The following PSMD12 variants were observed in gnomAD, a reference collection of about 807,000 sequenced individuals.
The protein encoded by PSMD12 is proteasome 26S subunit, non-ATPase 12, also known as 26S proteasome non-ATPase regulatory subunit 12.
PSMD12 carries 8 observed loss-of-function variants against 62.9 expected under a neutral mutation model. The ratio of observed to expected loss-of-function variants is 0.13; its 90% CI spans 0.07 to 0.23. The LOEUF (loss-of-function observed/expected upper bound fraction) is 0.23, where lower values mean the gene tolerates loss of function less well. Ranked by LOEUF, PSMD12 falls within the 10% of genes least tolerant of loss-of-function variation. The pLI is 1.00. For missense variants in PSMD12, 424 were observed against 550.2 expected, an observed-to-expected ratio of 0.77 and a Z score of 2.29; for synonymous variants, 173 against 187.4, an observed-to-expected ratio of 0.92 and a Z score of 0.63.
In PSMD12 at chr17:67,366,569, G is replaced by A. The variant is rs1360305683; in HGVS notation, c.-50C>T. On this transcript the variant is annotated 5_prime_UTR_variant, in exon 1 of 11. The change creates a new upstream start codon in the 5' untranslated region. Coordinates refer to ENST00000356126, the MANE Select transcript of PSMD12 (RefSeq NM_002816.5). ...TGTCCCCCTGCTTCGGCCACCACTC[G>A]TCACCCACACCGGAAGTTGCCCGCG... 6.6e-7 allele frequency: 1 copy of A among 1,524,132 alleles called. No homozygotes were observed. Among genetic ancestry groups the A allele is most frequent in the Admixed American group, 1.8e-5 (1 of 54,390 alleles). The allele number at this position is 1,524,132 out of a possible 1,614,324, so 94.4% of individuals were successfully genotyped here. A position where few individuals can be genotyped will look rare whatever the true frequency, so the allele number is the denominator to read the frequency against.
At chr17:67,354,901 A>T (rs1430439402) in intron 3 of PSMD12, among the ~76,000 whole-genome samples, 1 of 151,936 alleles carries the variant, frequency 6.6e-6, no homozygotes, top group Non-Finnish European at 1.5e-5. Flanking sequence ...CAGGCAGAAG[A>T]AGTGCATAAA....
intron 8 of PSMD12, 91 bp from the exon 9 acceptor site, chr17:67,344,871 T>G (rs756494007): frequency 3.6e-6 from 4 of 1,101,840 alleles, no homozygotes; most frequent in Non-Finnish European, 5.0e-6. Flanking sequence ...CAGCAAAGAC[T>G]GTTTTCGTTA....
chr17:67,341,017 G>A lies in PSMD12; in HGVS notation c.1197C>T (p.Asn399=), dbSNP rs769384127. The A allele has an allele frequency of 3.2e-6, 5 of 1,554,052 alleles. No homozygotes were observed. In the Admixed American group the frequency reaches 9.1e-5, roughly 28 times the overall value. Residue 399 remains asparagine, a synonymous_variant, in exon 11 of 11, where the codon AAC becomes AAT. Transcript: ENST00000356126. Reference sequence around the variant, plus strand: ...TGTCTACTTTAGCAAAGATGGTCTTGTTAACTACTAGATTTGAGAGAAAGG... The same window carrying A: ...TGTCTACTTTAGCAAAGATGGTCTTATTAACTACTAGATTTGAGAGAAAGG... ...SEAFLSNLVV[N]KTIFAKVDRL...
chr17:67,345,837 G>A lies in PSMD12; in HGVS notation c.816C>T (p.Leu272=). The change falls in exon 8 of 11, where the codon CTC becomes CTT. Residue 272 remains leucine (L), a synonymous_variant. Transcript: ENST00000356126. ...TGTCAAAAGGAGCCAGGATAACATA[G>A]AGTACAACACTCTTCAGAGCCTAAA... The part of the protein sequence containing the change: ...KWQQALKSVV[L]YVILAPFDNE... 6.2e-7 allele frequency: 1 copy of A among 1,613,152 alleles called. No individual in the cohort carries two copies. Among genetic ancestry groups the A allele is most frequent in the East Asian group, 2.2e-5 (1 of 44,864 alleles).
rs1419001963 is a variant in PSMD12 at position 67,353,103 on chromosome 17, C to T, written c.298-2767G>A. On this transcript the variant is annotated intron_variant, in intron 3 of 10. Transcript: ENST00000356126. ...AAAGGGGGACTACTGTACATTAATA[C>T]GCTAACAATGCAATGGGGAAGCTAT... 3.3e-5 allele frequency among the ~76,000 whole-genome samples: 5 copies of T among 152,054 alleles called. No individual in the cohort carries two copies. The East Asian group carries it at 7.7e-4, about 23-fold the overall frequency.
chr17:67,356,557 CAAAAAAAAAAAAA>C (rs35353017), intron 3 of PSMD12, among the ~76,000 whole-genome samples: 17 of 14,994 alleles, frequency 1.1e-3, no homozygotes, highest in East Asian at 6.6e-3. Flanking sequence ...GACTCCGTCT[CAAAAAAAAAAAAA>C]AAAAAAAAAA....
At chr17:67,350,146 C>T in intron 4 of PSMD12, 83 bp downstream of exon 4, 3 of 797,796 alleles carry the variant, frequency 3.8e-6, no homozygotes, top group Non-Finnish European at 1.9e-6. Context: ...TAAAAATATA[C>T]AAAATATCTA....
chr17:67,349,656 C>T (rs2042000009), intron 4 of PSMD12, among the ~76,000 whole-genome samples: 1 of 152,120 alleles, frequency 6.6e-6, no homozygotes, highest in African/African-American at 2.4e-5. Flanking sequence ...TACAAGACTA[C>T]CTTCTTTAAA....
At chr17:67,349,168 C>T (rs551866820) in intron 4 of PSMD12, among the ~76,000 whole-genome samples, 3 of 152,152 alleles carry the variant, frequency 2.0e-5, no homozygotes, top group African/African-American at 7.2e-5. Flanking sequence ...TACAGGCATG[C>T]GCCACCACGC....
In PSMD12 at chr17:67,347,239, CAACTTT is replaced by C. The variant is rs1430311866; in HGVS notation, c.666_671del (p.Leu224_Lys225del). On this transcript the variant is annotated inframe_deletion, in exon 7 of 11. Transcript: ENST00000356126. ...GCTGAATCATTAAATTATAGTACTT[CAACTTT>C]AATTTCTGCAAAAAAGTTGACAAAA... is the stretch of plus-strand genomic sequence containing the variant. 3 of 1,613,086 alleles carry C rather than the reference CAACTTT, an allele frequency of 1.9e-6. No homozygotes were observed. The highest frequency in any genetic ancestry group is 1.7e-6 in the Non-Finnish European group (2 of 1,179,748).
Position 67,340,837 on chromosome 17 carries a change from A to C in PSMD12, c.*6T>G. The C allele has an allele frequency of 6.4e-7, 1 of 1,554,842 alleles. No individual in the cohort carries two copies. Among genetic ancestry groups the C allele is most frequent in the Non-Finnish European group, 8.7e-7 (1 of 1,155,544 alleles). On this transcript the variant is annotated 3_prime_UTR_variant, in exon 11 of 11. Coordinates refer to ENST00000356126, the MANE Select transcript of PSMD12 (RefSeq NM_002816.5). ...ATTTTAACTTTTTTCTAAAGCACTA[A>C]GACCCTTATTGTAGATTATGTATCA...
chr17:67,344,005 A>T (rs932293958), intron 9 of PSMD12, among the ~76,000 whole-genome samples: 1 of 152,196 alleles, frequency 6.6e-6, no homozygotes, highest in Non-Finnish European at 1.5e-5. Flanking sequence ...CGCCCGGCCT[A>T]GGGAGGGTAC....
intron 3 of PSMD12, among the ~76,000 whole-genome samples, chr17:67,354,872 C>T (rs2042052304): frequency 6.6e-6 from 1 of 152,066 alleles, no homozygotes; most frequent in Non-Finnish European, 1.5e-5. Flanking sequence ...TGCCTGTAAT[C>T]TCAGCTACTT....
chr17:67,355,089 G>GTTTTTT (rs533603458), intron 3 of PSMD12, among the ~76,000 whole-genome samples: 2 of 121,396 alleles, frequency 1.6e-5, no homozygotes, highest in Non-Finnish European at 3.4e-5. Flanking sequence ...CATATTTTTG[G>GTTTTTT]TTTTTTTTTT....
At chr17:67,344,426 TG>T (rs1485773038) in intron 9 of PSMD12, among the ~76,000 whole-genome samples, 179 bp downstream of exon 9, 1 of 152,112 alleles carries the variant, frequency 6.6e-6, no homozygotes, top group African/African-American at 2.4e-5. Context: ...ACTACTACAG[TG>T]GGCATAGAAA....
intron 3 of PSMD12, among the ~76,000 whole-genome samples, chr17:67,351,623 T>C (rs1041844611): frequency 6.6e-6 from 1 of 151,852 alleles, no homozygotes; most frequent in African/African-American, 2.4e-5. Context: ...ATGTGGAGGT[T>C]TGTTTCATGA....
rs751452022 is a variant in PSMD12 at position 67,342,156 on chromosome 17, A to G, written c.1161+30T>C. The G allele has an allele frequency of 4.8e-6, 7 of 1,461,592 alleles. No homozygotes were observed. In the South Asian group the frequency reaches 7.2e-5, roughly 15 times the overall value. The allele number at this position is 1,461,592 out of a possible 1,614,324, so 90.5% of individuals were successfully genotyped here. ...AAGTCAACATTCAAAAGGAATGCCT[A>G]CAAATAACTCAAAGTTGATTACTAC... On this transcript the variant is annotated intron_variant, in intron 10 of 10. Transcript: ENST00000356126.
At chr17:67,349,021 CTTTT>C (rs760408511) in intron 4 of PSMD12, among the ~76,000 whole-genome samples, 7 of 151,934 alleles carry the variant, frequency 4.6e-5, no homozygotes, top group Non-Finnish European at 8.8e-5. Context: ...AACTGAACTA[CTTTT>C]TTTTGTTTTT....
rs1008523178 is a variant in PSMD12 at position 67,340,750 on chromosome 17, A to C, written c.*93T>G. The C allele has an allele frequency of 4.1e-5, 40 of 966,488 alleles. No individual in the cohort carries two copies. The highest frequency in any genetic ancestry group is 5.6e-5 in the Non-Finnish European group (38 of 681,536). 59.9% of individuals were successfully genotyped at this position (966,488 alleles called of 1,614,324 possible). A position where few individuals can be genotyped will look rare whatever the true frequency, so the allele number is the denominator to read the frequency against. ...CACTATTTTAAAATTTAAGACAAAG[A>C]AGCTTAGAAAAAAAACCCCAACATA... is the stretch of plus-strand genomic sequence containing the variant. On this transcript the variant is annotated 3_prime_UTR_variant, in exon 11 of 11. Transcript: ENST00000356126.
Sources: allele counts gnomAD v4.1 joint callset (sites outside exome capture counted in the v4.1 genomes callset), GRCh38; gene constraint gnomAD v4.1.1; transcripts MANE v1.5; gene names NCBI Gene and HGNC (gene_info 2026-07-23, HGNC 2026-07-21).